The following TNRC6C variants were observed in gnomAD, a reference collection of about 807,000 sequenced individuals.
TNRC6C encodes the protein trinucleotide repeat containing adaptor 6C.
In TNRC6C, 20 loss-of-function variants were observed where a neutral mutation model predicts 153.7. That is an observed-to-expected ratio of 0.13 (90% confidence interval 0.09 to 0.19). The LOEUF (loss-of-function observed/expected upper bound fraction) is 0.19. Among genes scored for constraint, TNRC6C ranks in the 10% least tolerant of loss-of-function variants. The probability of loss-of-function intolerance (pLI) is 1.00; values close to 1 mark genes in which losing one functional copy is unlikely to be tolerated. For missense variants in TNRC6C, 1,987 were observed against 2,172.0 expected (o/e 0.91, Z 1.69); for synonymous variants, 811 against 841.4 (o/e 0.96, Z 0.63).
chr17:78,093,084 T>C (rs1051665780), exon 15 of TNRC6C: 1 of 1,613,410 alleles, frequency 6.2e-7, no homozygotes, highest in African/African-American at 1.3e-5. Flanking sequence ...AATCTGACAG[T>C]GATAAAATCT....
At chr17:78,007,396 C>T (rs1021608180) in intron 1 of TNRC6C, among the ~76,000 whole-genome samples, 15 of 152,186 alleles carry the variant, frequency 9.9e-5, no homozygotes, top group African/African-American at 3.6e-4. Context: ...TTCTCAGACT[C>T]TTCATTATTA....
intron 2 of TNRC6C, among the ~76,000 whole-genome samples, chr17:78,048,032 G>T (rs184154978): frequency 2.0e-5 from 3 of 152,072 alleles, no homozygotes; most frequent in Non-Finnish European, 2.9e-5. Context: ...CAAAGAAAAG[G>T]CTCTAAAGAA....
At chr17:77,979,764 TA>T (rs1031639882) in intron 1 of TNRC6C, among the ~76,000 whole-genome samples, 1 of 150,154 alleles carries the variant, frequency 6.7e-6, no homozygotes, top group Admixed American at 6.6e-5. Flanking sequence ...AAAACAAAAA[TA>T]AAGGGAAAAG....
exon 17 of TNRC6C, chr17:78,098,517 G>C: frequency 1.2e-6 from 2 of 1,613,252 alleles, no homozygotes; most frequent in Non-Finnish European, 1.7e-6. Context: ...CCCCTCGGCT[G>C]GACCAGCTCC....
chr17:78,068,992 A>T (rs1226384687), intron 5 of TNRC6C, among the ~76,000 whole-genome samples: 1 of 152,210 alleles, frequency 6.6e-6, no homozygotes, highest in Non-Finnish European at 1.5e-5. Context: ...AAAGAACATT[A>T]AAAACAATTT....
At chr17:78,106,815 G>C (rs553173858) in exon 20 of TNRC6C, 2 of 148,882 alleles carry the variant, frequency 1.3e-5, no homozygotes, top group African/African-American at 2.5e-5. Context: ...CTGCCTGCTT[G>C]ATCAGGAAAC....
chr17:78,013,917 AGTT>A (rs2071681473), intron 1 of TNRC6C, among the ~76,000 whole-genome samples: 1 of 152,182 alleles, frequency 6.6e-6, no homozygotes, highest in Non-Finnish European at 1.5e-5. Flanking sequence ...ATCAAAGAGG[AGTT>A]GTGCTCTTTT....
At chr17:78,051,896 C>T (rs1385426778) in intron 3 of TNRC6C, among the ~76,000 whole-genome samples, 2 of 152,110 alleles carry the variant, frequency 1.3e-5, no homozygotes, top group African/African-American at 4.8e-5. Context: ...GCACAGAGCT[C>T]CAAGTGTCCA....
At chr17:77,959,194 C>G (rs541690919), upstream of TNRC6C, 4,393 of 140,394 alleles carry the variant, frequency 0.031, 91 homozygotes, top group South Asian at 0.059. Context: ...GGCGGTTGTT[C>G]GTGCCGCCGC....
intron 1 of TNRC6C, among the ~76,000 whole-genome samples, chr17:77,972,972 C>T (rs1437183435): frequency 1.3e-5 from 2 of 152,226 alleles, no homozygotes; most frequent in African/African-American, 4.8e-5. Flanking sequence ...ATGGCACGAT[C>T]TCGGCTCACC....
intron 1 of TNRC6C, among the ~76,000 whole-genome samples, chr17:77,965,105 A>G (rs1005681147): frequency 1.3e-5 from 2 of 152,208 alleles, no homozygotes; most frequent in Non-Finnish European, 2.9e-5. Context: ...TTTAATCCTC[A>G]CAACACTCCT....
At chr17:78,093,982 C>CTTT (rs11313921) in intron 16 of TNRC6C, among the ~76,000 whole-genome samples, 5 of 141,350 alleles carry the variant, frequency 3.5e-5, no homozygotes, top group African/African-American at 1.3e-4. Flanking sequence ...ATTATTATTA[C>CTTT]TTTTTTTTTT....
chr17:78,064,703 C>CTT lies in TNRC6C; in HGVS notation c.2396-19_2396-18insTT. ...GATGCACTTTCATTATTTTCTCTACCCCTTGGAACCTTTTTCAGTTTCATC... is the reference window on the plus strand; with the variant it reads ...GATGCACTTTCATTATTTTCTCTACCTTCCTTGGAACCTTTTTCAGTTTCATC... On this transcript the variant is annotated intron_variant, in intron 3 of 19. Transcript: ENST00000301624. 6.2e-7 allele frequency: 1 copy of CTT among 1,609,400 alleles called. No individual in the cohort carries two copies. Among genetic ancestry groups the CTT allele is most frequent in the Non-Finnish European group, 8.5e-7 (1 of 1,177,822 alleles).
chr17:78,065,597 CAT>C (rs1183701785), intron 4 of TNRC6C, among the ~76,000 whole-genome samples: 4 of 152,148 alleles, frequency 2.6e-5, no homozygotes, highest in Admixed American at 6.5e-5. Context: ...ATAGATAAAA[CAT>C]GTCATCTCCT....
chr17:78,000,477 C>A (rs1364781804), upstream of TNRC6C, among the ~76,000 whole-genome samples: 2 of 152,108 alleles, frequency 1.3e-5, no homozygotes, highest in African/African-American at 2.4e-5. Context: ...CCAGTTCCGT[C>A]CCCTTCTCTT....
At chr17:78,083,421 G>A (rs2073217881) in intron 11 of TNRC6C, among the ~76,000 whole-genome samples, 2 of 152,186 alleles carry the variant, frequency 1.3e-5, no homozygotes, top group African/African-American at 4.8e-5. Context: ...AGGCTGGTCT[G>A]GAACTCCTGG....
intron 3 of TNRC6C, among the ~76,000 whole-genome samples, chr17:78,054,978 G>A (rs961785022): frequency 9.5e-5 from 14 of 147,740 alleles, no homozygotes; most frequent in Middle Eastern, 3.7e-3. Flanking sequence ...ACTACTGTAC[G>A]CTACCATACA....
intron 1 of TNRC6C, among the ~76,000 whole-genome samples, chr17:77,976,931 GAAAAAAA>G (rs57726847): frequency 0.02 from 945 of 46,606 alleles, 8 homozygotes; most frequent in South Asian, 0.11. Context: ...CTCCATCTCA[GAAAAAAA>G]AAAAAAAAAA....
At chr17:78,048,795 T>A in intron 2 of TNRC6C, 50 bp from the exon 5 acceptor site, 3 of 1,232,166 alleles carry the variant, frequency 2.4e-6, no homozygotes, top group Non-Finnish European at 3.0e-6. Flanking sequence ...GTTGATTCAT[T>A]GACAAATGAG....
Sources: allele counts gnomAD v4.1 joint callset (sites outside exome capture counted in the v4.1 genomes callset), GRCh38; gene constraint gnomAD v4.1.1; transcripts MANE v1.5; gene names NCBI Gene and HGNC (gene_info 2026-07-23, HGNC 2026-07-21).